Variants in PLCB1 observed in about 807,000 individuals in gnomAD.
PLCB1 encodes the protein phospholipase C beta 1, also known as 1-phosphatidylinositol 4,5-bisphosphate phosphodiesterase beta-1.
A neutral mutation model predicts 161.8 loss-of-function variants in PLCB1; 46 were observed. The ratio of observed to expected loss-of-function variants is 0.28; its 90% CI spans 0.22 to 0.36. PLCB1 has a LOEUF of 0.36. Among genes scored for constraint, PLCB1 ranks in the 10% least tolerant of loss-of-function variants. PLCB1 has a pLI of 1.00. For missense variants in PLCB1, 1,016 were observed against 1,472.5 expected (o/e 0.69, Z 5.07); for synonymous variants, 517 against 503.7 (o/e 1.03, Z -0.35).
At chr20:8,869,549 A>G (rs1568631327) in intron 31 of PLCB1, among the ~76,000 whole-genome samples, 1 of 152,246 alleles carries the variant, frequency 6.6e-6, no homozygotes, top group Non-Finnish European at 1.5e-5. Context: ...TTGCTCCTGG[A>G]AAATGGTAAA....
chr20:8,359,674 A>G (rs1257160783), intron 2 of PLCB1, among the ~76,000 whole-genome samples: 1 of 152,206 alleles, frequency 6.6e-6, no homozygotes, highest in Admixed American at 6.5e-5. Context: ...AGTACTCACT[A>G]TATTTTAAAA....
At position 8,398,671 on chromosome 20, in the gene PLCB1, C is replaced by T. The variant is rs571174042; in HGVS notation, c.246+27221C>T. Among the ~76,000 whole-genome samples, 12 of 152,312 alleles carry T rather than the reference C, an allele frequency of 7.9e-5. 1 individual carries two copies. In the South Asian group the frequency reaches 1.9e-3, roughly 24 times the overall value. Reference sequence around the variant, plus strand: ...CACTTCCCAAAGTCCCTACCTCCAACGCCCTATCACGTTGGGGTTTAAGCG... The same window carrying T: ...CACTTCCCAAAGTCCCTACCTCCAATGCCCTATCACGTTGGGGTTTAAGCG... On this transcript the variant is annotated intron_variant, in intron 3 of 31. Transcript: ENST00000338037.
intron 3 of PLCB1, among the ~76,000 whole-genome samples, chr20:8,471,664 A>C (rs540943728): frequency 1.5e-3 from 224 of 152,246 alleles, no homozygotes; most frequent in African/African-American, 5.1e-3. Context: ...TACAGTGCAT[A>C]ATTGACCCCC....
At chr20:8,463,795 T>C (rs1178808736) in intron 3 of PLCB1, among the ~76,000 whole-genome samples, 1 of 152,226 alleles carries the variant, frequency 6.6e-6, no homozygotes, top group Non-Finnish European at 1.5e-5. Flanking sequence ...GCTTCAGCTA[T>C]TTAGTCTGGT....
intron 3 of PLCB1, among the ~76,000 whole-genome samples, chr20:8,575,219 T>C (rs538875258): frequency 4.6e-5 from 7 of 152,318 alleles, no homozygotes; most frequent in Admixed American, 4.6e-4. Flanking sequence ...TGTCTTCAAA[T>C]ATTTAGACAG....
intron 2 of PLCB1, among the ~76,000 whole-genome samples, chr20:8,275,300 G>A (rs1276079007): frequency 1.4e-5 from 2 of 147,080 alleles, no homozygotes; most frequent in Non-Finnish European, 3.0e-5. Context: ...GCGGCACATG[G>A]TCAGGCTTCA....
At chr20:8,662,562 A>G (rs1438624381) in intron 9 of PLCB1, among the ~76,000 whole-genome samples, 1 of 145,200 alleles carries the variant, frequency 6.9e-6, no homozygotes, top group Non-Finnish European at 1.5e-5. Flanking sequence ...TCATATAATT[A>G]CAATATATAT....
intron 11 of PLCB1, among the ~76,000 whole-genome samples, chr20:8,702,812 T>A (rs1329803202): frequency 1.3e-5 from 2 of 152,210 alleles, no homozygotes; most frequent in Non-Finnish European, 2.9e-5. Context: ...GGTTTTCTCA[T>A]CCTAACTGAT....
intron 9 of PLCB1, among the ~76,000 whole-genome samples, chr20:8,664,649 T>A (rs1055982338): frequency 4.6e-5 from 7 of 152,128 alleles, no homozygotes; most frequent in Admixed American, 6.6e-5. Flanking sequence ...AAGCACTGAA[T>A]AAATTTGCTT....
intron 2 of PLCB1, among the ~76,000 whole-genome samples, chr20:8,265,814 T>C (rs1297219804): frequency 1.3e-5 from 2 of 152,198 alleles, no homozygotes; most frequent in Non-Finnish European, 1.5e-5. Flanking sequence ...GAACAGTATT[T>C]AGTGTTTTGT....
At chr20:8,706,353 A>C (rs992033182) in intron 11 of PLCB1, among the ~76,000 whole-genome samples, 1 of 152,156 alleles carries the variant, frequency 6.6e-6, no homozygotes, top group South Asian at 2.1e-4. Context: ...GGGGGAAGCA[A>C]ATACGTGGGA....
Position 8,810,686 on chromosome 20 carries a change from G to A in PLCB1, c.3423+20425G>A, listed in dbSNP as rs561225693. Among the ~76,000 whole-genome samples, 8 of 152,268 alleles carry A rather than the reference G, an allele frequency of 5.3e-5. No individual in the cohort carries two copies. The South Asian group carries it at 6.2e-4, about 12-fold the overall frequency. On this transcript the variant is annotated intron_variant, in intron 31 of 31. Transcript: ENST00000338037. ...AACTTGAAAACGTCTGGTAGAGGCC[G>A]GGCATGGTGGCTCATGCTTATAATC...
At chr20:8,191,685 T>C (rs528043050) in intron 2 of PLCB1, among the ~76,000 whole-genome samples, 1 of 152,164 alleles carries the variant, frequency 6.6e-6, no homozygotes, top group South Asian at 2.1e-4. Flanking sequence ...TAGTATGCTC[T>C]GTAAAGGGGA....
intron 3 of PLCB1, among the ~76,000 whole-genome samples, chr20:8,537,491 C>T (rs535126048): frequency 6.6e-6 from 1 of 152,002 alleles, no homozygotes; most frequent in Non-Finnish European, 1.5e-5. Context: ...CTGGTGCTGG[C>T]TGTGACCAAT....
chr20:8,349,333 A>G (rs538159820), intron 2 of PLCB1, among the ~76,000 whole-genome samples: 13 of 152,350 alleles, frequency 8.5e-5, no homozygotes, highest in African/African-American at 3.1e-4. Flanking sequence ...TCAGTATGAC[A>G]TATTTACAGT....
At position 8,882,774 on chromosome 20, in the gene PLCB1, A is replaced by G. The variant is rs1332413863; in HGVS notation, c.*925A>G. On this transcript the variant is annotated 3_prime_UTR_variant, in exon 32 of 32. Transcript: ENST00000338037. ...GTTTGACATTTTTTATGGTTCATTTATTTTTAATATAGAGAGGAAGATTGA... is the reference window on the plus strand; with the variant it reads ...GTTTGACATTTTTTATGGTTCATTTGTTTTTAATATAGAGAGGAAGATTGA... 3.3e-5 allele frequency: 5 copies of G among 152,252 alleles called. No individual in the cohort carries two copies. The highest frequency in any genetic ancestry group is 3.3e-4 in the Admixed American group (5 of 15,278). The allele number at this position is 152,252 out of a possible 1,614,324, so 9.4% of individuals were successfully genotyped here.
intron 2 of PLCB1, among the ~76,000 whole-genome samples, chr20:8,168,027 C>T (rs1303962199): frequency 1.3e-5 from 2 of 152,244 alleles, no homozygotes; most frequent in South Asian, 2.1e-4. Context: ...CCCATGTGGT[C>T]TCTCATCTTC....
At chr20:8,430,210 CA>C (rs1260732857) in intron 3 of PLCB1, among the ~76,000 whole-genome samples, 1 of 151,252 alleles carries the variant, frequency 6.6e-6, no homozygotes, top group Non-Finnish European at 1.5e-5. Context: ...GTTACATTAG[CA>C]AAAAAAATCA....
chr20:8,300,761 A>C (rs762252244), intron 2 of PLCB1, among the ~76,000 whole-genome samples: 1 of 152,184 alleles, frequency 6.6e-6, no homozygotes, highest in East Asian at 1.9e-4. Flanking sequence ...CACAGAGCCT[A>C]GCACAATGCC....
Sources: gnomAD v4.1 joint callset for allele counts (sites outside exome capture counted in the v4.1 genomes callset) on GRCh38, gnomAD v4.1.1 for gene constraint, MANE v1.5 for transcripts, NCBI Gene and HGNC (gene_info 2026-07-23, HGNC 2026-07-21) for gene names.